RPL7L1: variants seen among roughly 807,000 people sequenced by gnomAD.
The protein encoded by RPL7L1 is ribosomal protein L7 like 1.
Under a neutral mutation model 30.3 loss-of-function variants are expected in RPL7L1, and 20 were observed. The observed-to-expected ratio is 0.66, with a 90% CI of 0.46 to 0.96. The LOEUF is 0.96. Among genes scored for constraint, RPL7L1 ranks in the 40% least tolerant of loss-of-function variants. RPL7L1 has a pLI of 0.00. For missense variants in RPL7L1, 271 were observed against 314.9 expected (o/e 0.86, Z 1.05); for synonymous variants, 107 against 110.1 (o/e 0.97, Z 0.18).
chr6:42,884,582 T>G, intron 3 of RPL7L1, 31 bp from the exon 4 acceptor site: 1 of 1,604,422 alleles, frequency 6.2e-7, no homozygotes, highest in South Asian at 1.1e-5. Flanking sequence ...CTGGAGGGAG[T>G]CTGTCTGACT....
At chr6:42,881,899 T>G (rs1237539825) in intron 2 of RPL7L1, 1 of 152,186 alleles carries the variant, frequency 6.6e-6, no homozygotes, top group Non-Finnish European at 1.5e-5. Flanking sequence ...TAGCTGGGAT[T>G]ACAAGGATGT....
intron 4 of RPL7L1, 79 bp from the exon 5 acceptor site, chr6:42,885,895 C>T (rs1766247159): frequency 3.9e-6 from 3 of 776,564 alleles, no homozygotes; most frequent in Non-Finnish European, 6.9e-6. Flanking sequence ...AGAACCTCTC[C>T]AACCTCTCAG....
rs761260291 is a variant in RPL7L1 at position 42,886,249 on chromosome 6, T to C, written c.560-7T>C. ...AATAAAGGAATCTGTGCTTTTGTGTTTCTTAGGGAAGTTTGGCGTCATTTG... is the reference window on the plus strand; with the variant it reads ...AATAAAGGAATCTGTGCTTTTGTGTCTCTTAGGGAAGTTTGGCGTCATTTG... On this transcript the variant is annotated splice_polypyrimidine_tract_variant and splice_region_variant and intron_variant, in intron 5 of 5. Coordinates refer to ENST00000493763, the MANE Select transcript of RPL7L1 (RefSeq NM_001366481.3). The C allele has an allele frequency of 1.5e-5, 24 of 1,608,898 alleles. No individual in the cohort carries two copies. The highest frequency in any genetic ancestry group is 2.7e-5 in the African/African-American group (2 of 74,766).
Position 42,879,666 on chromosome 6 carries a change from C to T in RPL7L1, c.-245C>T. The stretch of plus-strand genomic sequence containing the variant: ...GCATTGTGGGAAGCACTTTGCTGTC[C>T]ACAGCCAGGCCGCTTGTGATGAAAC... On this transcript the variant is annotated 5_prime_UTR_variant, in exon 1 of 6. Transcript: ENST00000493763. The T allele has an allele frequency of 2.2e-6, 1 of 457,586 alleles. No individual in the cohort carries two copies. The highest frequency in any genetic ancestry group is 4.0e-6 in the Non-Finnish European group (1 of 247,012). The allele number at this position is 457,586 out of a possible 1,614,324, so 28.3% of individuals were successfully genotyped here.
intron 3 of RPL7L1, 93 bp downstream of exon 3, chr6:42,883,707 C>CTA: frequency 9.7e-7 from 1 of 1,029,296 alleles, no homozygotes; most frequent in Non-Finnish European, 1.4e-6. Flanking sequence ...ATGCCCCAAG[C>CTA]CACTCAGGCA....
In RPL7L1 at chr6:42,881,012, T is replaced by A. The variant is rs138048518; in HGVS notation, c.147+46T>A. On this transcript the variant is annotated intron_variant, in intron 2 of 5. Transcript: ENST00000493763. ...GAAAGTAATTAGAATTTTTATTTGG[T>A]GAGTTTTATCCCGCATGTGTTGGAC... 1.3e-5 allele frequency: 14 copies of A among 1,048,354 alleles called. No homozygotes were observed. The East Asian group carries it at 1.7e-4, about 12-fold the overall frequency. 64.9% of individuals were successfully genotyped at this position (1,048,354 alleles called of 1,614,324 possible).
At chr6:42,881,055 AGC>A in intron 2 of RPL7L1, 89 bp downstream of exon 2, 1 of 744,310 alleles carries the variant, frequency 1.3e-6, no homozygotes, top group Non-Finnish European at 2.4e-6. Context: ...GGTATTGACG[AGC>A]TCCCCCCAAC....
rs1001229813 is a variant in RPL7L1, at chr6:42,879,770, A to T, written c.-141A>T. The T allele has an allele frequency of 2.4e-5, 19 of 784,582 alleles. No homozygotes were observed. Among genetic ancestry groups the T allele is most frequent in the Admixed American group, 1.5e-4 (7 of 47,324 alleles). 48.6% of individuals were successfully genotyped at this position (784,582 alleles called of 1,614,324 possible). A position where few individuals can be genotyped will look rare whatever the true frequency, so the allele number is the denominator to read the frequency against. On this transcript the variant is annotated 5_prime_UTR_variant, in exon 1 of 6. Transcript: ENST00000493763. Reference sequence around the variant, plus strand: ...CCTAAGAAGCGGTGCAACTTTTGGCAGGAATCGGGGTTAGCGGGACCTCAA... The same window carrying T: ...CCTAAGAAGCGGTGCAACTTTTGGCTGGAATCGGGGTTAGCGGGACCTCAA...
chr6:42,884,845 G>A, intron 4 of RPL7L1, 95 bp downstream of exon 4: 2 of 1,263,814 alleles, frequency 1.6e-6, no homozygotes, highest in East Asian at 4.7e-5. Context: ...TGTTGCTGTA[G>A]AAGGGACATT....
chr6:42,884,626 A>C lies in RPL7L1; in HGVS notation c.325A>C (p.Ser109Arg), dbSNP rs374234947. 5 of 1,612,624 alleles carry C rather than the reference A, an allele frequency of 3.1e-6. No individual in the cohort carries two copies. Among genetic ancestry groups the C allele is most frequent in the Non-Finnish European group, 8.5e-7 (1 of 1,179,742 alleles). Residue 109 changes from serine to arginine, a missense_variant, in exon 4 of 6, where the codon AGT (serine) becomes CGT (arginine). Coordinates refer to ENST00000493763, the MANE Select transcript of RPL7L1 (RefSeq NM_001366481.3). ...TGTTCATTTCAGGATTGACGGCGTG[A>C]GTTTACTGGTGCAGAGAACCATTGC... ...VVRIERIDGV[S>R]LLVQRTIARL...
chr6:42,881,581 A>C (rs533004929), intron 2 of RPL7L1: 3 of 151,894 alleles, frequency 2.0e-5, no homozygotes, highest in African/African-American at 7.2e-5. Flanking sequence ...TTATTTATTT[A>C]TTTATTTTGA....
At chr6:42,885,545 C>G (rs1253839351) in intron 4 of RPL7L1, 1 of 161,380 alleles carries the variant, frequency 6.2e-6, no homozygotes, top group Non-Finnish European at 1.4e-5. Flanking sequence ...GCACTCCAGC[C>G]TGGGAGACTG....
intron 1 of RPL7L1, among the ~76,000 whole-genome samples, chr6:42,880,183 G>C (rs1168674615): frequency 6.6e-6 from 1 of 152,184 alleles, no homozygotes; most frequent in Non-Finnish European, 1.5e-5. Flanking sequence ...GGGCTGGAGT[G>C]CCACAGTTGA....
intron 2 of RPL7L1, 188 bp downstream of exon 2, chr6:42,881,154 T>TG: frequency 1.9e-6 from 1 of 515,300 alleles, no homozygotes; most frequent in Non-Finnish European, 3.5e-6. Flanking sequence ...CTCAGACTGC[T>TG]GAAGTCCCTT....
At chr6:42,883,694 A>G in intron 3 of RPL7L1, 80 bp downstream of exon 3, 1 of 1,204,474 alleles carries the variant, frequency 8.3e-7, no homozygotes, top group Non-Finnish European at 1.2e-6. Context: ...CTAGGGAGAT[A>G]ATATGCCCCA....
intron 3 of RPL7L1, chr6:42,883,951 G>A (rs543997340): frequency 3.9e-4 from 65 of 164,942 alleles, no homozygotes; most frequent in Non-Finnish European, 7.3e-4. Flanking sequence ...GGTAGGGAAA[G>A]CAAGGCATCA....
In RPL7L1 at chr6:42,881,187, C is replaced by T. The variant is rs866092875; in HGVS notation, c.147+221C>T. On this transcript the variant is annotated intron_variant, in intron 2 of 5. Transcript: ENST00000493763. ...CTTATATAAAATGGTTGTAGTAGGC[C>T]GGGCGCGGTGGCTCACGCCTGTAAT... 18 of 347,100 alleles carry T rather than the reference C, an allele frequency of 5.2e-5. No homozygotes were observed. The Middle Eastern group carries it at 2.2e-3, about 43-fold the overall frequency. The allele number at this position is 347,100 out of a possible 1,614,324, so 21.5% of individuals were successfully genotyped here. A position where few individuals can be genotyped will look rare whatever the true frequency, so the allele number is the denominator to read the frequency against.
intron 2 of RPL7L1, chr6:42,881,467 A>ACAATAAAT (rs112714010): frequency 6.6e-6 from 1 of 151,882 alleles, no homozygotes; most frequent in African/African-American, 2.4e-5. Context: ...ACTCTCTCAA[A>ACAATAAAT]AAATAAATAA....
chr6:42,886,229 A>G (rs1412891474), intron 5 of RPL7L1, 27 bp from the exon 6 acceptor site: 1 of 1,591,660 alleles, frequency 6.3e-7, no homozygotes, highest in South Asian at 1.1e-5. Context: ...TGTTAAATAA[A>G]GGAATCTGTG....
Sources: gnomAD v4.1 joint callset for allele counts (sites outside exome capture counted in the v4.1 genomes callset) on GRCh38, gnomAD v4.1.1 for gene constraint, MANE v1.5 for transcripts, NCBI Gene and HGNC (gene_info 2026-07-23, HGNC 2026-07-21) for gene names.